COL21A1: variants seen among roughly 807,000 people sequenced by gnomAD.
The protein encoded by COL21A1 is collagen alpha-1(XXI) chain.
A neutral mutation model predicts 137.9 loss-of-function variants in COL21A1; 149 were observed. The ratio of observed to expected loss-of-function variants is 1.08; its 90% confidence interval spans 0.95 to 1.24. The LOEUF is 1.24. Among genes scored for constraint, COL21A1 ranks in the 50% most tolerant of loss-of-function variants. The pLI, the probability that COL21A1 is intolerant of heterozygous loss-of-function variation, is 0.00. For synonymous variants in COL21A1, 456 were observed against 391.5 expected (o/e 1.16, Z -1.95); for missense variants, 1,167 against 1,158.4 (o/e 1.01, Z -0.11).
At chr6:56,121,606 G>T (rs1582411942) in intron 16 of COL21A1, among the ~76,000 whole-genome samples, 1 of 147,122 alleles carries the variant, frequency 6.8e-6, no homozygotes, top group Non-Finnish European at 1.5e-5. Context: ...GTATATATTT[G>T]TCAAGTGTAC....
intron 1 of COL21A1, among the ~76,000 whole-genome samples, chr6:56,340,250 T>C (rs944817954): frequency 3.3e-5 from 5 of 152,164 alleles, no homozygotes; most frequent in Non-Finnish European, 5.9e-5. Context: ...CATTCCATTC[T>C]CAGCACAAGG....
intron 17 of COL21A1, among the ~76,000 whole-genome samples, chr6:56,083,738 T>TA (rs1009018906): frequency 9.9e-5 from 15 of 151,846 alleles, no homozygotes; most frequent in African/African-American, 3.6e-4. Context: ...TAATAATACC[T>TA]AAAAAAGAAA....
At chr6:56,300,308 A>G (rs1764252167) in intron 1 of COL21A1, among the ~76,000 whole-genome samples, 1 of 152,122 alleles carries the variant, frequency 6.6e-6, no homozygotes, top group Non-Finnish European at 1.5e-5. Flanking sequence ...AAAACAAGGC[A>G]GTCATGGGAT....
At chr6:56,346,984 C>G (rs1765611236) in intron 1 of COL21A1, among the ~76,000 whole-genome samples, 1 of 152,112 alleles carries the variant, frequency 6.6e-6, no homozygotes, top group Non-Finnish European at 1.5e-5. Context: ...TGCAGGAGGC[C>G]CCTGCACTCA....
At chr6:56,306,814 T>A (rs1376400321) in intron 1 of COL21A1, among the ~76,000 whole-genome samples, 6 of 152,096 alleles carry the variant, frequency 3.9e-5, no homozygotes, top group African/African-American at 1.4e-4. Flanking sequence ...TTTTAGAGTT[T>A]CCAGTTTTTC....
chr6:56,193,011 T>C (rs1778794902), intron 1 of COL21A1, among the ~76,000 whole-genome samples: 1 of 152,174 alleles, frequency 6.6e-6, no homozygotes, highest in Admixed American at 6.5e-5. Flanking sequence ...TTCACGTCCT[T>C]TGCAGGGACA....
chr6:56,183,584 T>C (rs1778058584), intron 1 of COL21A1, among the ~76,000 whole-genome samples: 1 of 152,150 alleles, frequency 6.6e-6, no homozygotes, highest in South Asian at 2.1e-4. Flanking sequence ...GGCAACAGTA[T>C]AGAACAGCCT....
intron 1 of COL21A1, among the ~76,000 whole-genome samples, chr6:56,353,342 A>C (rs188655699): frequency 6.6e-6 from 1 of 152,130 alleles, no homozygotes; most frequent in South Asian, 2.1e-4. Flanking sequence ...CAGCTGCCAG[A>C]CTGGAGAGAC....
At chr6:56,370,122 T>C (rs1766197736) in intron 1 of COL21A1, among the ~76,000 whole-genome samples, 1 of 152,146 alleles carries the variant, frequency 6.6e-6, no homozygotes, top group Admixed American at 6.5e-5. Context: ...TGTATTTGTC[T>C]TTTCCTTTAT....
At chr6:56,276,586 A>G (rs1763661492) in intron 1 of COL21A1, 2 of 1,400,136 alleles carry the variant, frequency 1.4e-6, no homozygotes, top group South Asian at 2.3e-5. Context: ...CCTGGACATC[A>G]GAGAGAACGC....
At chr6:56,183,659 C>G (rs752461527) in intron 1 of COL21A1, among the ~76,000 whole-genome samples, 14 of 152,014 alleles carry the variant, frequency 9.2e-5, no homozygotes, top group Non-Finnish European at 1.9e-4. Context: ...AAACAGTGGC[C>G]AAGACTTGAA....
At chr6:56,219,896 G>A (rs1472319156) in intron 1 of COL21A1, among the ~76,000 whole-genome samples, 1 of 152,098 alleles carries the variant, frequency 6.6e-6, no homozygotes, top group Non-Finnish European at 1.5e-5. Context: ...GATAAACACT[G>A]AGGTGTTATG....
chr6:56,286,811 G>A (rs1306472216), intron 1 of COL21A1, among the ~76,000 whole-genome samples: 4 of 152,300 alleles, frequency 2.6e-5, no homozygotes, highest in African/African-American at 7.2e-5. Flanking sequence ...ATACAAGTAT[G>A]AGAAGGGGCC....
In COL21A1 at chr6:56,124,244, G is replaced by T; in HGVS notation, c.1699C>A (p.Pro567Thr). ...CTTTTTTCTATCAAACTCACAGCAG[G>T]TCCAGGGAGGCCAGGGAAGCCAGCA... ...GNAGFPGLPG[P>T]AGEPGRHGKD... Residue 567 changes from proline (P) to threonine (T), a missense_variant, in exon 15 of 30, where the codon CCT becomes ACT. By Grantham distance (38) the Pro-to-Thr change is conservative. Transcript: ENST00000244728. 1 of 1,601,256 alleles carries T rather than the reference G, an allele frequency of 6.2e-7. No individual in the cohort carries two copies. Among genetic ancestry groups the T allele is most frequent in the East Asian group, 2.2e-5 (1 of 44,596 alleles).
chr6:56,390,925 T>G (rs6936834), intron 1 of COL21A1, among the ~76,000 whole-genome samples: 122,555 of 152,074 alleles, frequency 0.81, 49,836 homozygotes, highest in African/African-American at 0.92. Context: ...AGACAAAAAA[T>G]CAACATAGAA....
intron 1 of COL21A1, among the ~76,000 whole-genome samples, chr6:56,290,325 CT>C (rs1235168307): frequency 1.3e-5 from 2 of 151,982 alleles, no homozygotes; most frequent in Non-Finnish European, 2.9e-5. Context: ...AGCAGCACCC[CT>C]GGCCCCTTCC....
At chr6:56,234,530 A>T (rs542127343) in intron 1 of COL21A1, among the ~76,000 whole-genome samples, 1 of 151,962 alleles carries the variant, frequency 6.6e-6, no homozygotes, top group African/African-American at 2.4e-5. Flanking sequence ...ATTTACTGTT[A>T]AACATCATTT....
chr6:56,273,937 C>T (rs1245024290), intron 1 of COL21A1, among the ~76,000 whole-genome samples: 1 of 152,068 alleles, frequency 6.6e-6, no homozygotes, highest in Non-Finnish European at 1.5e-5. Flanking sequence ...AAAAGAAAAA[C>T]TTCACACCAA....
chr6:56,362,783 C>A (rs1008662542), intron 1 of COL21A1, among the ~76,000 whole-genome samples: 43 of 152,170 alleles, frequency 2.8e-4, no homozygotes, highest in African/African-American at 9.2e-4. Flanking sequence ...TTAAGAACCT[C>A]AGCAGCCTTC....
Sources: allele counts gnomAD v4.1 joint callset (sites outside exome capture counted in the v4.1 genomes callset), GRCh38; gene constraint gnomAD v4.1.1; transcripts MANE v1.5; gene names NCBI Gene and HGNC (gene_info 2026-07-23, HGNC 2026-07-21).